HEATR5A: variants seen among roughly 807,000 people sequenced by gnomAD.
HEATR5A encodes the protein HEAT repeat-containing protein 5A.
In HEATR5A, 178 loss-of-function variants were observed where a neutral mutation model predicts 218.8. The ratio of observed to expected loss-of-function variants is 0.81; its 90% confidence interval spans 0.72 to 0.92. The LOEUF is 0.92. HEATR5A is among the 40% of genes least tolerant of loss of function. The pLI is 0.00. For missense variants in HEATR5A, 2,420 were observed against 2,418.9 expected (o/e 1.00, Z -0.01); for synonymous variants, 864 against 871.6 (o/e 0.99, Z 0.15).
At chr14:31,309,681 T>C (rs187146927) in intron 28 of HEATR5A, among the ~76,000 whole-genome samples, 38 of 152,318 alleles carry the variant, frequency 2.5e-4, no homozygotes, top group Admixed American at 3.9e-4. Context: ...ACTTCCAAGA[T>C]GAACATTAAC....
intron 10 of HEATR5A, among the ~76,000 whole-genome samples, chr14:31,381,558 GAAAAAAAAAA>G (rs142591545): frequency 1.9e-5 from 1 of 53,786 alleles, no homozygotes; most frequent in Non-Finnish European, 3.6e-5. Context: ...TGTCTCCTTG[GAAAAAAAAAA>G]AAAAAAAAAA....
chr14:31,380,365 G>T (rs2029931019), intron 11 of HEATR5A, 102 bp downstream of exon 11: 2 of 683,138 alleles, frequency 2.9e-6, no homozygotes, highest in Non-Finnish European at 4.9e-6. Context: ...TTTAAATTCT[G>T]GTATGTATTA....
At chr14:31,355,552 A>G (rs889937082) in intron 16 of HEATR5A, among the ~76,000 whole-genome samples, 1 of 151,706 alleles carries the variant, frequency 6.6e-6, no homozygotes, top group Non-Finnish European at 1.5e-5. Context: ...GGCCAACATT[A>G]TGAAACCCCA....
rs776519777 is a variant in HEATR5A at position 31,386,448 on chromosome 14, C to T, written c.1317G>A (p.Ala439=). 52 of 1,613,608 alleles carry T rather than the reference C, an allele frequency of 3.2e-5. No individual in the cohort carries two copies. In the East Asian group the frequency reaches 5.6e-4, roughly 17 times the overall value. ...GNLIHNLGTT[A]APLLQDSSTG... is the part of the protein sequence containing the mutation. ...TACTTGAATCCTGTAGCAAAGGTGC[C>T]GCTGTGGTGCCAAGATTGTGTATGA... is the stretch of plus-strand genomic sequence containing the variant. Residue 439 remains alanine, a synonymous_variant, in exon 9 of 36, where the codon GCG becomes GCA. Coordinates refer to ENST00000543095, the MANE Select transcript of HEATR5A (RefSeq NM_015473.4).
chr14:31,381,992 C>G (rs1475869438), intron 10 of HEATR5A, among the ~76,000 whole-genome samples: 6 of 152,104 alleles, frequency 3.9e-5, no homozygotes, highest in African/African-American at 1.4e-4. Flanking sequence ...TTAAACCAAC[C>G]AACCAACTTA....
chr14:31,370,746 GA>G (rs1409403682), intron 13 of HEATR5A, among the ~76,000 whole-genome samples: 6 of 152,156 alleles, frequency 3.9e-5, no homozygotes, highest in African/African-American at 1.4e-4. Flanking sequence ...ATACAGCAAC[GA>G]AAATGAATGA....
intron 1 of HEATR5A, among the ~76,000 whole-genome samples, chr14:31,414,333 G>C (rs1341818407): frequency 6.6e-6 from 1 of 152,094 alleles, no homozygotes; most frequent in African/African-American, 2.4e-5. Context: ...AGAACTCGTG[G>C]ATTTTACTGA....
At position 31,357,235 on chromosome 14, in the gene HEATR5A, C is replaced by G. The variant is rs1726991193; in HGVS notation, c.2411+1402G>C. 2.0e-5 allele frequency among the ~76,000 whole-genome samples: 3 copies of G among 152,202 alleles called. No homozygotes were observed. In the South Asian group the frequency reaches 6.2e-4, roughly 31 times the overall value. On this transcript the variant is annotated intron_variant, in intron 16 of 35. Transcript: ENST00000543095. ...AGCTAGTAAAAATCAATATAAATTT[C>G]ATTCACTTTTCTATGCAATGAAAGC...
intron 14 of HEATR5A, among the ~76,000 whole-genome samples, chr14:31,363,339 T>C (rs1221172160): frequency 6.6e-6 from 1 of 152,204 alleles, no homozygotes; most frequent in Non-Finnish European, 1.5e-5. Flanking sequence ...AACAGTTATC[T>C]GAGCTGTGGA....
At chr14:31,330,941 T>A (rs554152253) in intron 22 of HEATR5A, among the ~76,000 whole-genome samples, 11 of 2,038 alleles carry the variant, frequency 5.4e-3, no homozygotes, top group South Asian at 0.038. Flanking sequence ...TTCCCTCACC[T>A]TTTTTTTTTT....
At position 31,388,884 on chromosome 14, in the gene HEATR5A, GGT is replaced by G; in HGVS notation, c.892_893del (p.Thr298GlnfsTer5). The G allele has an allele frequency of 1.9e-6, 3 of 1,613,776 alleles. No homozygotes were observed. Among genetic ancestry groups the G allele is most frequent in the Non-Finnish European group, 2.5e-6 (3 of 1,179,800 alleles). On this transcript the variant is annotated frameshift_variant, in exon 7 of 36. Coordinates refer to ENST00000543095, the MANE Select transcript of HEATR5A (RefSeq NM_015473.4). LOFTEE classifies it high-confidence loss of function. ...LRASGDMLKGTSSVSRDVRVG... is the reference protein window; with the variant it reads ...LRASGDMLKGXSSVSRDVRVG... ...CTCGAACATCCCTACTGACTGAACT[GGT>G]TCCTTTCAGCATATCTCCACTGGCT...
At chr14:31,306,150 C>G (rs17091513) in intron 31 of HEATR5A, among the ~76,000 whole-genome samples, 2,311 of 152,198 alleles carry the variant, frequency 0.015, 149 homozygotes, top group Admixed American at 0.11. Context: ...CTGACAATAT[C>G]TAAACTAACA....
At chr14:31,396,516 T>TA (rs890290159) in intron 4 of HEATR5A, among the ~76,000 whole-genome samples, 3 of 152,214 alleles carry the variant, frequency 2.0e-5, no homozygotes, top group Non-Finnish European at 4.4e-5. Context: ...ATCATATCTA[T>TA]ATCCCAGGAA....
Position 31,293,429 on chromosome 14 carries a change from T to A in HEATR5A, c.6017A>T (p.Lys2006Ile), listed in dbSNP as rs61995527. 11 of 1,613,890 alleles carry A rather than the reference T, an allele frequency of 6.8e-6. No individual in the cohort carries two copies. Among genetic ancestry groups the A allele is most frequent in the African/African-American group, 1.3e-5 (1 of 74,942 alleles). ...KSLVASSPAL[K>I]ARLEAAIKGN... ...CTTTATAGCAGCCTCAAGGCGGGCT[T>A]TTAGGGCTGGAGAAGAAGCCACTAA... The change falls in exon 36 of 36, where the codon AAA becomes ATA. Residue 2006 changes from lysine (K) to isoleucine (I), a missense_variant. Physicochemically the swap from Lys to Ile is moderately radical, Grantham distance 102. Transcript: ENST00000543095.
At chr14:31,299,272 T>C (rs1352909917) in intron 33 of HEATR5A, among the ~76,000 whole-genome samples, 2 of 152,378 alleles carry the variant, frequency 1.3e-5, no homozygotes, top group African/African-American at 2.4e-5. Flanking sequence ...GTAAGTTCTG[T>C]TGAAAACTGC....
chr14:31,344,245 T>C (rs1479474023), intron 20 of HEATR5A, among the ~76,000 whole-genome samples, 180 bp from the exon 21 acceptor site: 1 of 151,282 alleles, frequency 6.6e-6, no homozygotes, highest in East Asian at 1.9e-4. Flanking sequence ...TAATCTAAGT[T>C]ACAGATTGTT....
At chr14:31,324,683 CTTT>C (rs57220635) in intron 23 of HEATR5A, among the ~76,000 whole-genome samples, 54 of 125,958 alleles carry the variant, frequency 4.3e-4, no homozygotes, top group Non-Finnish European at 5.3e-4. Context: ...CATGTATTTT[CTTT>C]TTTTTTTTTT....
chr14:31,398,430 G>A (rs76005840), intron 4 of HEATR5A, among the ~76,000 whole-genome samples: 3,462 of 152,256 alleles, frequency 0.023, 120 homozygotes, highest in African/African-American at 0.079. Context: ...AGTGGAATAC[G>A]TTAGTTTTCG....
chr14:31,314,797 T>C (rs1899864566), intron 27 of HEATR5A, among the ~76,000 whole-genome samples: 1 of 152,176 alleles, frequency 6.6e-6, no homozygotes, highest in East Asian at 1.9e-4. Context: ...AGGTTTAAAA[T>C]ACCTCTACTG....
Sources: allele counts gnomAD v4.1 joint callset (sites outside exome capture counted in the v4.1 genomes callset), GRCh38; gene constraint gnomAD v4.1.1; transcripts MANE v1.5; gene names NCBI Gene and HGNC (gene_info 2026-07-23, HGNC 2026-07-21).